MSR1: variants seen among roughly 807,000 people sequenced by gnomAD.
MSR1 encodes the protein macrophage scavenger receptor 1, also known as macrophage scavenger receptor types I and II.
Under a neutral mutation model 47.2 loss-of-function variants are expected in MSR1, and 53 were observed. The observed-to-expected ratio is 1.12, with a 90% CI of 0.90 to 1.41. The LOEUF (loss-of-function observed/expected upper bound fraction) is 1.41, where lower values mean the gene tolerates loss of function less well. Ranked by LOEUF, MSR1 falls within the 40% of genes most tolerant of loss-of-function variation. MSR1 has a pLI of 0.00. For missense variants in MSR1, 786 were observed against 546.9 expected (o/e 1.44, Z -4.36); for synonymous variants, 239 against 185.6 (o/e 1.29, Z -2.34).
chr8:16,184,775 G>T (rs1801945843), intron 1 of MSR1, among the ~76,000 whole-genome samples: 1 of 151,800 alleles, frequency 6.6e-6, no homozygotes, highest in South Asian at 2.1e-4. Flanking sequence ...GCTTGATTTT[G>T]TTTTTTCTTT....
intron 8 of MSR1, among the ~76,000 whole-genome samples, chr8:16,126,137 A>T (rs147405500): frequency 0.025 from 3,784 of 152,242 alleles, 85 homozygotes; most frequent in Middle Eastern, 0.082. Context: ...ACCCTGCACA[A>T]ATTATTTAAA....
chr8:16,178,373 C>T lies in MSR1; in HGVS notation c.-4-381G>A, dbSNP rs538021621. On this transcript the variant is annotated intron_variant, in intron 1 of 9. Coordinates refer to ENST00000262101, the MANE Select transcript of MSR1 (RefSeq NM_138715.3). ...TGCGGTGTTTGGGTTTTTGTCCTTG[C>T]GATAGTTTGCTGAGAATGATGGTTT... 5.3e-5 allele frequency among the ~76,000 whole-genome samples: 8 copies of T among 151,314 alleles called. No individual in the cohort carries two copies. In the East Asian group the frequency reaches 7.9e-4, roughly 15 times the overall value.
chr8:16,147,126 C>A (rs867536360), intron 7 of MSR1, among the ~76,000 whole-genome samples: 1 of 152,092 alleles, frequency 6.6e-6, no homozygotes, highest in South Asian at 2.1e-4. Flanking sequence ...GAACCTTCTA[C>A]GGATTTTGAA....
Position 16,164,264 on chromosome 8 carries a change from A to C in MSR1, c.631-13T>G, listed in dbSNP as rs750077572. The C allele has an allele frequency of 1.9e-6, 3 of 1,607,894 alleles. No homozygotes were observed. In the Admixed American group the frequency reaches 5.0e-5, roughly 27 times the overall value. On this transcript the variant is annotated splice_polypyrimidine_tract_variant and intron_variant, in intron 4 of 9. Coordinates refer to ENST00000262101, the MANE Select transcript of MSR1 (RefSeq NM_138715.3). Reference sequence around the variant, plus strand: ...ATTTACTGATTTCCTGTAAAACATAAGTGAGCATTCACAGCCTTTGTTACA... The same window carrying C: ...ATTTACTGATTTCCTGTAAAACATACGTGAGCATTCACAGCCTTTGTTACA...
chr8:16,168,469 T>C lies in MSR1; in HGVS notation c.619A>G (p.Lys207Glu). Residue 207 changes from lysine to glutamate, a missense_variant, in exon 4 of 10, where the codon AAA becomes GAA. Transcript: ENST00000262101. ...LNGKIQENTF[K>E]QQEEISKLEE... ...CCACAAACTCTTACCTCTTGTTGTT[T>C]GAAGGTATTCTCTTGGATTTTGCCA... is the stretch of plus-strand genomic sequence containing the variant. 6.2e-7 allele frequency: 1 copy of C among 1,614,156 alleles called. No individual in the cohort carries two copies. Among genetic ancestry groups the C allele is most frequent in the African/African-American group, 1.3e-5 (1 of 75,062 alleles).
At chr8:16,162,355 G>C (rs1188092359) in intron 5 of MSR1, among the ~76,000 whole-genome samples, 1 of 151,934 alleles carries the variant, frequency 6.6e-6, no homozygotes, top group Non-Finnish European at 1.5e-5. Context: ...AAGGTTTCTT[G>C]ATCAATTTAC....
chr8:16,188,994 ATAT>A (rs1802084506), intron 1 of MSR1, among the ~76,000 whole-genome samples: 3 of 145,634 alleles, frequency 2.1e-5, no homozygotes, highest in Admixed American at 6.9e-5. Context: ...ATATATATAT[ATAT>A]AAAACAACAT....
Position 16,116,612 on chromosome 8 carries a change from T to C in MSR1, c.1222+3806A>G, listed in dbSNP as rs1028628329. Among the ~76,000 whole-genome samples the C allele has an allele frequency of 2.0e-5, 3 of 150,736 alleles. No homozygotes were observed. In the East Asian group the frequency reaches 5.8e-4, roughly 29 times the overall value. ...TTAAGTTTAAAAAAAACCATTTTCT[T>C]CTTAGTATCTCAGTATACTTATTAT... On this transcript the variant is annotated intron_variant, in intron 9 of 9. Transcript: ENST00000262101.
intron 1 of MSR1, among the ~76,000 whole-genome samples, chr8:16,186,817 T>A (rs774665615): frequency 3.0e-5 from 4 of 134,254 alleles, no homozygotes; most frequent in Non-Finnish European, 6.3e-5. Flanking sequence ...TCTTACTATG[T>A]TGCCCAGGCT....
chr8:16,128,665 A>G (rs1800184015), intron 8 of MSR1, among the ~76,000 whole-genome samples: 1 of 152,190 alleles, frequency 6.6e-6, no homozygotes, highest in Non-Finnish European at 1.5e-5. Flanking sequence ...GAGAAATAGC[A>G]TACTTCAGTG....
chr8:16,168,778 T>C lies in MSR1; in HGVS notation c.310A>G (p.Ser104Gly). The change falls in exon 4 of 10, where the codon AGC (serine) becomes GGC (glycine). Residue 104 changes from serine to glycine, a missense_variant. By Grantham distance (56) the Ser-to-Gly change is moderately conservative (BLOSUM62 0). Transcript: ENST00000262101. ...TQSLTGKGND[S>G]EEEMRFQEVF... ...TCTTGAAATCTCATTTCCTCTTCGC[T>C]GTCATTTCCTTTTCCCGTGAGACTT... The C allele has an allele frequency of 6.2e-7, 1 of 1,614,168 alleles. No individual in the cohort carries two copies. The highest frequency in any genetic ancestry group is 8.5e-7 in the Non-Finnish European group (1 of 1,180,018).
At chr8:16,178,674 T>C (rs1042627125) in intron 1 of MSR1, among the ~76,000 whole-genome samples, 3 of 152,156 alleles carry the variant, frequency 2.0e-5, no homozygotes, top group Non-Finnish European at 2.9e-5. Flanking sequence ...CCTGAGGAAT[T>C]GCCACACTGA....
rs62489576 is a variant in MSR1, at chr8:16,126,195, C to T, written c.1034-5589G>A. Among the ~76,000 whole-genome samples the T allele has an allele frequency of 7.9e-5, 12 of 152,110 alleles. No homozygotes were observed. The East Asian group carries it at 1.7e-3, about 22-fold the overall frequency. On this transcript the variant is annotated intron_variant, in intron 8 of 9. Coordinates refer to ENST00000262101, the MANE Select transcript of MSR1 (RefSeq NM_138715.3). ...CTTAAAAGTTAGAGAAAAGATACTA[C>T]GAATCTATTCATCGCTGTTAGAAAG...
intron 9 of MSR1, among the ~76,000 whole-genome samples, chr8:16,117,956 C>A (rs998666587): frequency 6.6e-6 from 1 of 152,266 alleles, no homozygotes; most frequent in South Asian, 2.1e-4. Flanking sequence ...CTTCTCCCAT[C>A]CCTGGTCTGT....
At chr8:16,149,470 C>G (rs1157383635) in intron 7 of MSR1, among the ~76,000 whole-genome samples, 1 of 151,950 alleles carries the variant, frequency 6.6e-6, no homozygotes, top group East Asian at 1.9e-4. Context: ...CTAAGCAATC[C>G]TCCCACCTCA....
intron 3 of MSR1, among the ~76,000 whole-genome samples, chr8:16,171,558 C>A (rs900588057): frequency 1.3e-5 from 2 of 152,070 alleles, no homozygotes; most frequent in African/African-American, 4.8e-5. Context: ...TTTGGGTTGA[C>A]AGCCTCATCC....
chr8:16,165,193 G>C (rs189599367), intron 4 of MSR1, among the ~76,000 whole-genome samples: 2 of 152,088 alleles, frequency 1.3e-5, no homozygotes, highest in African/African-American at 2.4e-5. Context: ...CAGCATTTTT[G>C]TTCAACCATT....
chr8:16,178,557 A>G (rs1166298874), intron 1 of MSR1, among the ~76,000 whole-genome samples: 3 of 152,164 alleles, frequency 2.0e-5, no homozygotes, highest in Non-Finnish European at 2.9e-5. Flanking sequence ...TGCCGCCGCA[A>G]TAAACATATG....
rs1431586957 is a variant in MSR1, at chr8:16,108,225, G to C, written c.*1860C>G. The C allele has an allele frequency of 2.0e-5, 3 of 149,132 alleles. No individual in the cohort carries two copies. Among genetic ancestry groups the C allele is most frequent in the Non-Finnish European group, 1.5e-5 (1 of 67,330 alleles). The allele number at this position is 149,132 out of a possible 1,614,324, so 9.2% of individuals were successfully genotyped here. A position where few individuals can be genotyped will look rare whatever the true frequency, so the allele number is the denominator to read the frequency against. On this transcript the variant is annotated 3_prime_UTR_variant, in exon 10 of 10. Coordinates refer to ENST00000262101, the MANE Select transcript of MSR1 (RefSeq NM_138715.3). ...AGCAATAGTACTAGTACTAGCAATA[G>C]TACTATTATTATTTTAAAGGTAAAT...
Sources: gnomAD v4.1 joint callset for allele counts (sites outside exome capture counted in the v4.1 genomes callset) on GRCh38, gnomAD v4.1.1 for gene constraint, MANE v1.5 for transcripts, NCBI Gene and HGNC (gene_info 2026-07-23, HGNC 2026-07-21) for gene names.